Variants in ARFGEF1 observed in about 807,000 individuals in gnomAD.
The protein encoded by ARFGEF1 is ARF guanine nucleotide exchange factor 1, also known as brefeldin A-inhibited guanine nucleotide-exchange protein 1.
A neutral mutation model predicts 231.0 loss-of-function variants in ARFGEF1; 42 were observed. The observed-to-expected ratio is 0.18, with a 90% confidence interval of 0.14 to 0.24. The LOEUF (loss-of-function observed/expected upper bound fraction) is 0.24. Among genes scored for constraint, ARFGEF1 ranks in the 10% least tolerant of loss-of-function variants. The probability of loss-of-function intolerance (pLI) is 1.00; values close to 1 mark genes in which losing one functional copy is unlikely to be tolerated. For missense variants in ARFGEF1, 1,345 were observed against 2,192.0 expected (o/e 0.61, Z 7.72); for synonymous variants, 710 against 732.3 (o/e 0.97, Z 0.49).
Position 67,228,412 on chromosome 8 carries a change from T to TA in ARFGEF1, c.3381-149_3381-148insT, listed in dbSNP as rs1371330087. 2.2e-5 allele frequency: 15 copies of TA among 696,020 alleles called. 1 individual carries two copies. The Admixed American group carries it at 4.5e-4, about 21-fold the overall frequency. 43.1% of individuals were successfully genotyped at this position (696,020 alleles called of 1,614,324 possible). A position where few individuals can be genotyped will look rare whatever the true frequency, so the allele number is the denominator to read the frequency against. On this transcript the variant is annotated intron_variant, in intron 23 of 38. Coordinates refer to ENST00000262215, the MANE Select transcript of ARFGEF1 (RefSeq NM_006421.5). ...AAATGAGTATTTTTCATCATTTAGT[T>TA]TAGTAACAAGTGTAGTCTGGATGTT...
rs775395543 is a variant in ARFGEF1, at chr8:67,227,953, A to C, written c.3591+10T>G. ...ACAAATGTAAACAAACACCATAGTT[A>C]TTCAAATACCTTATTAAAATGATCT... On this transcript the variant is annotated intron_variant, in intron 25 of 38. Coordinates refer to ENST00000262215, the MANE Select transcript of ARFGEF1 (RefSeq NM_006421.5). 2 of 1,545,708 alleles carry C rather than the reference A, an allele frequency of 1.3e-6. No individual in the cohort carries two copies. The highest frequency in any genetic ancestry group is 1.7e-6 in the Non-Finnish European group (2 of 1,155,604).
At chr8:67,294,386 C>T (rs1417162499) in intron 5 of ARFGEF1, among the ~76,000 whole-genome samples, 2 of 151,990 alleles carry the variant, frequency 1.3e-5, no homozygotes, top group African/African-American at 2.4e-5. Context: ...AATAGCATTA[C>T]CCTATTGCAG....
chr8:67,239,848 A>G (rs1839876263), intron 20 of ARFGEF1, among the ~76,000 whole-genome samples: 2 of 152,220 alleles, frequency 1.3e-5, no homozygotes, highest in Non-Finnish European at 2.9e-5. Context: ...ATTCAACAAG[A>G]TATTTTATTC....
downstream of ARFGEF1, among the ~76,000 whole-genome samples, chr8:67,196,592 C>A (rs1225292149): frequency 6.6e-6 from 1 of 152,172 alleles, no homozygotes; most frequent in African/African-American, 2.4e-5. Flanking sequence ...AAATTTGCCA[C>A]AATTAAATTA....
At chr8:67,203,811 G>A (rs1838417292) in intron 35 of ARFGEF1, among the ~76,000 whole-genome samples, 1 of 152,192 alleles carries the variant, frequency 6.6e-6, no homozygotes, top group African/African-American at 2.4e-5. Flanking sequence ...GAAGCTGGCA[G>A]AGGAGGTCTC....
chr8:67,181,361 T>TA (rs1411298851), intron 5 of ARFGEF1, among the ~76,000 whole-genome samples: 2 of 141,236 alleles, frequency 1.4e-5, no homozygotes, highest in South Asian at 2.2e-4. Flanking sequence ...TTTTTTTTTT[T>TA]AATGAATTTT....
At chr8:67,327,534 G>A (rs1320233776) in intron 1 of ARFGEF1, among the ~76,000 whole-genome samples, 1 of 152,032 alleles carries the variant, frequency 6.6e-6, no homozygotes, top group Non-Finnish European at 1.5e-5. Context: ...TGGCCAGGCT[G>A]GTCTCAAACT....
chr8:67,231,653 C>T (rs962085603), intron 23 of ARFGEF1, among the ~76,000 whole-genome samples: 2 of 152,000 alleles, frequency 1.3e-5, no homozygotes, highest in Non-Finnish European at 1.5e-5. Context: ...AAAGCTAGCC[C>T]GGTAGCAGAA....
intron 8 of ARFGEF1, among the ~76,000 whole-genome samples, 193 bp downstream of exon 8, chr8:67,277,089 C>T (rs1805344800): frequency 6.6e-6 from 1 of 151,758 alleles, no homozygotes; most frequent in Non-Finnish European, 1.5e-5. Context: ...ATGTAACTAT[C>T]AAAATATGAA....
intron 9 of ARFGEF1, among the ~76,000 whole-genome samples, chr8:67,273,803 C>A (rs544485671): frequency 1.3e-5 from 2 of 152,060 alleles, no homozygotes; most frequent in South Asian, 4.1e-4. Flanking sequence ...CAAATAGCTA[C>A]AGGGAACTAC....
chr8:67,323,269 A>C (rs538458858), intron 1 of ARFGEF1, among the ~76,000 whole-genome samples: 4 of 151,038 alleles, frequency 2.6e-5, no homozygotes, highest in Non-Finnish European at 5.9e-5. Context: ...ACAACAACAA[A>C]AAAGCAATAA....
At chr8:67,220,150 T>C (rs1411278956) in intron 29 of ARFGEF1, among the ~76,000 whole-genome samples, 1 of 152,214 alleles carries the variant, frequency 6.6e-6, no homozygotes, top group Non-Finnish European at 1.5e-5. Context: ...CAATAAATAT[T>C]TGCTGAATAA....
chr8:67,255,280 C>A (rs971303739), intron 17 of ARFGEF1, among the ~76,000 whole-genome samples: 6 of 152,174 alleles, frequency 3.9e-5, no homozygotes, highest in African/African-American at 1.4e-4. Flanking sequence ...CTCCTGCCAT[C>A]TTTTATGGAA....
chr8:67,229,046 T>C (rs1265481669), intron 23 of ARFGEF1, among the ~76,000 whole-genome samples: 4 of 152,026 alleles, frequency 2.6e-5, no homozygotes, highest in African/African-American at 9.7e-5. Flanking sequence ...CAGGAGCAGG[T>C]CACAGTAGTC....
At position 67,227,616 on chromosome 8, in the gene ARFGEF1, A is replaced by G. The variant is rs1170716399; in HGVS notation, c.3592-18T>C. The stretch of plus-strand genomic sequence containing the variant: ...CACCCAACCTGTAATGGCGACAGAA[A>G]TAAACGATGCTAATTAATATCAGCA... On this transcript the variant is annotated intron_variant, in intron 25 of 38. Coordinates refer to ENST00000262215, the MANE Select transcript of ARFGEF1 (RefSeq NM_006421.5). The G allele has an allele frequency of 4.4e-6, 7 of 1,606,358 alleles. No homozygotes were observed. In the Admixed American group the frequency reaches 1.2e-4, roughly 27 times the overall value.
At chr8:67,311,114 G>T (rs1230765129) in intron 1 of ARFGEF1, among the ~76,000 whole-genome samples, 15 of 149,294 alleles carry the variant, frequency 1.0e-4, no homozygotes, top group Non-Finnish European at 1.8e-4. Context: ...GGGAGGTGGG[G>T]GGGTCAGCCC....
chr8:67,292,470 C>T (rs945347992), intron 5 of ARFGEF1, among the ~76,000 whole-genome samples: 2 of 151,960 alleles, frequency 1.3e-5, no homozygotes, highest in South Asian at 4.2e-4. Context: ...TAACAATTAC[C>T]TATAGAGGGT....
intron 22 of ARFGEF1, among the ~76,000 whole-genome samples, chr8:67,235,931 G>A (rs1002788943): frequency 1.3e-5 from 2 of 151,928 alleles, no homozygotes; most frequent in African/African-American, 4.8e-5. Context: ...CAGTCAGAAA[G>A]TATGATAAAT....
intron 29 of ARFGEF1, among the ~76,000 whole-genome samples, chr8:67,220,676 C>A (rs1839118177): frequency 6.6e-6 from 1 of 152,168 alleles, no homozygotes; most frequent in Non-Finnish European, 1.5e-5. Flanking sequence ...ACCACTGATG[C>A]TAAACCCATA....
Sources: gnomAD v4.1 joint callset for allele counts (sites outside exome capture counted in the v4.1 genomes callset) on GRCh38, gnomAD v4.1.1 for gene constraint, MANE v1.5 for transcripts, NCBI Gene and HGNC (gene_info 2026-07-23, HGNC 2026-07-21) for gene names.